Variants in EYS observed in about 807,000 individuals in gnomAD.
EYS encodes EGF-like photoreceptor maintenance factor, also known as protein eyes shut homolog.
Under a neutral mutation model 282.1 loss-of-function variants are expected in EYS, and 250 were observed. The ratio of observed to expected loss-of-function variants is 0.89; its 90% CI spans 0.80 to 0.98. The LOEUF (loss-of-function observed/expected upper bound fraction) is 0.98, where lower values mean the gene tolerates loss of function less well. Ranked by LOEUF, EYS falls within the 50% of genes least tolerant of loss-of-function variation. The pLI, the probability that EYS is intolerant of heterozygous loss-of-function variation, is 0.00. For missense variants in EYS, 4,016 were observed against 3,709.0 expected (o/e 1.08, Z -2.15); for synonymous variants, 1,355 against 1,282.9 (o/e 1.06, Z -1.20).
In EYS at chr6:63,928,904, A is replaced by G. The variant is rs1020629298; in HGVS notation, c.7055+55479T>C. On this transcript the variant is annotated intron_variant, in intron 35 of 42. Coordinates refer to ENST00000503581, the MANE Select transcript of EYS (RefSeq NM_001142800.2). ...GAGAGGGAGTGCTGACAACACAATC[A>G]GTCTTTAAACGAAGAGTTTCTGTTG... Among the ~76,000 whole-genome samples, 3 of 152,334 alleles carry G rather than the reference A, an allele frequency of 2.0e-5. No homozygotes were observed. The South Asian group carries it at 6.2e-4, about 32-fold the overall frequency.
intron 35 of EYS, among the ~76,000 whole-genome samples, chr6:63,898,987 T>C (rs1208258077): frequency 6.6e-6 from 1 of 152,158 alleles, no homozygotes; most frequent in Non-Finnish European, 1.5e-5. Flanking sequence ...CTAGTAATAA[T>C]TACTATATAA....
At chr6:65,418,715 T>C (rs1159329025) in intron 5 of EYS, among the ~76,000 whole-genome samples, 1 of 151,606 alleles carries the variant, frequency 6.6e-6, no homozygotes, top group African/African-American at 2.4e-5. Context: ...TGGGGGTTGG[T>C]AGGTGAGGGG....
At chr6:65,618,926 A>C (rs1766342639) in intron 2 of EYS, among the ~76,000 whole-genome samples, 1 of 152,140 alleles carries the variant, frequency 6.6e-6, no homozygotes, top group African/African-American at 2.4e-5. Flanking sequence ...CTGTTTTGGT[A>C]CCAGTACCAT....
intron 5 of EYS, among the ~76,000 whole-genome samples, chr6:65,450,811 C>T (rs1188511089): frequency 6.6e-6 from 1 of 152,130 alleles, no homozygotes; most frequent in Non-Finnish European, 1.5e-5. Context: ...AAACATTTAA[C>T]ATCCCTAGAC....
intron 2 of EYS, among the ~76,000 whole-genome samples, chr6:65,606,853 A>G (rs1270352479): frequency 6.7e-6 from 1 of 149,188 alleles, no homozygotes; most frequent in East Asian, 2.0e-4. Context: ...CTTTTTTCTA[A>G]TATCTGAGTT....
At chr6:64,109,070 C>T (rs967426134) in intron 31 of EYS, among the ~76,000 whole-genome samples, 2 of 152,068 alleles carry the variant, frequency 1.3e-5, no homozygotes, top group Non-Finnish European at 2.9e-5. Context: ...AGAGACCTTC[C>T]TCTGTATATT....
chr6:65,652,753 G>C (rs1767699657), intron 1 of EYS, among the ~76,000 whole-genome samples: 1 of 151,904 alleles, frequency 6.6e-6, no homozygotes, highest in Admixed American at 6.6e-5. Flanking sequence ...AGATCTTTAA[G>C]GCAGGAAGGG....
rs951991559 is a variant in EYS, at chr6:65,296,139, A to G, written c.1767-20T>C. 6.5e-7 allele frequency: 1 copy of G among 1,534,492 alleles called. No homozygotes were observed. The highest frequency in any genetic ancestry group is 1.4e-5 in the African/African-American group (1 of 72,532). On this transcript the variant is annotated intron_variant, in intron 11 of 42. Coordinates refer to ENST00000503581, the MANE Select transcript of EYS (RefSeq NM_001142800.2). The stretch of plus-strand genomic sequence containing the variant: ...CTGCATCTGAAACACAGAGAAATGA[A>G]AAACCCAATTAGTCATATACTTTAT...
intron 22 of EYS, among the ~76,000 whole-genome samples, chr6:64,712,139 C>T (rs187335085): frequency 2.0e-5 from 3 of 152,174 alleles, no homozygotes; most frequent in African/African-American, 7.2e-5. Context: ...TCTGCCTAGG[C>T]ATTTGGCTGC....
At chr6:64,448,321 C>A (rs988036633) in intron 26 of EYS, among the ~76,000 whole-genome samples, 1 of 152,218 alleles carries the variant, frequency 6.6e-6, no homozygotes, top group Admixed American at 6.5e-5. Flanking sequence ...GGGCGCCAGC[C>A]ATTGCTTGGG....
At chr6:63,826,266 A>C (rs1771457724) in intron 36 of EYS, among the ~76,000 whole-genome samples, 1 of 152,206 alleles carries the variant, frequency 6.6e-6, no homozygotes, top group Non-Finnish European at 1.5e-5. Flanking sequence ...CCTAAGAATA[A>C]TCATTGTTCC....
intron 40 of EYS, among the ~76,000 whole-genome samples, chr6:63,771,556 G>A (rs1769926272): frequency 6.6e-6 from 1 of 152,188 alleles, no homozygotes; most frequent in South Asian, 2.1e-4. Flanking sequence ...CAGTATGGGT[G>A]AAAGACTGGT....
At chr6:64,020,552 G>C (rs985925637) in intron 33 of EYS, among the ~76,000 whole-genome samples, 1 of 152,118 alleles carries the variant, frequency 6.6e-6, no homozygotes, top group Non-Finnish European at 1.5e-5. Context: ...AGATGTGGTA[G>C]TAACAGGAAA....
intron 36 of EYS, chr6:63,822,188 AC>A (rs1305014469): frequency 6.6e-6 from 1 of 152,158 alleles, no homozygotes; most frequent in Non-Finnish European, 1.5e-5. Flanking sequence ...GTCTTGGCTC[AC>A]TGCAACCTCC....
At chr6:65,199,876 A>T (rs1331066547) in intron 12 of EYS, among the ~76,000 whole-genome samples, 1 of 152,126 alleles carries the variant, frequency 6.6e-6, no homozygotes. Flanking sequence ...TGAGGTTGAA[A>T]CAGGAAACGT....
At chr6:63,850,121 T>C (rs1772207544) in intron 36 of EYS, among the ~76,000 whole-genome samples, 1 of 151,642 alleles carries the variant, frequency 6.6e-6, no homozygotes, top group African/African-American at 2.4e-5. Flanking sequence ...AAAACAAGAT[T>C]AGAGAAAAAA....
intron 2 of EYS, among the ~76,000 whole-genome samples, chr6:65,516,644 G>A (rs1487206016): frequency 1.3e-5 from 2 of 152,048 alleles, no homozygotes; most frequent in African/African-American, 2.4e-5. Flanking sequence ...CCAATGATAA[G>A]TGTTTTGTAT....
intron 29 of EYS, among the ~76,000 whole-genome samples, chr6:64,350,387 C>T (rs896020111): frequency 1.3e-5 from 2 of 151,544 alleles, no homozygotes; most frequent in African/African-American, 2.4e-5. Flanking sequence ...AATTGATTCA[C>T]AAACATTTCT....
intron 8 of EYS, among the ~76,000 whole-genome samples, chr6:65,357,582 A>G (rs1298462621): frequency 1.3e-5 from 2 of 152,020 alleles, no homozygotes; most frequent in African/African-American, 4.8e-5. Context: ...CCAGATTTCC[A>G]GTTGATATTC....
Sources: allele counts gnomAD v4.1 joint callset (sites outside exome capture counted in the v4.1 genomes callset), GRCh38; gene constraint gnomAD v4.1.1; transcripts MANE v1.5; gene names NCBI Gene and HGNC (gene_info 2026-07-23, HGNC 2026-07-21).